Variants in TASP1 observed in about 807,000 individuals in gnomAD.
The protein encoded by TASP1 is threonine aspartase 1.
TASP1 carries 16 observed loss-of-function variants against 56.6 expected under a neutral mutation model. That is an observed-to-expected ratio of 0.28 (90% CI 0.19 to 0.43). TASP1 has a LOEUF of 0.43. TASP1 is among the 20% of genes least tolerant of loss of function. The pLI, the probability that TASP1 is intolerant of heterozygous loss-of-function variation, is 1.00. For missense variants in TASP1, 393 were observed against 511.6 expected, an observed-to-expected ratio of 0.77 and a Z score of 2.24; for synonymous variants, 179 against 184.2, an observed-to-expected ratio of 0.97 and a Z score of 0.23.
chr20:13,492,853 G>T (rs1316258208), intron 10 of TASP1, among the ~76,000 whole-genome samples: 1 of 152,140 alleles, frequency 6.6e-6, no homozygotes, highest in Non-Finnish European at 1.5e-5. Context: ...ACAAAGTAGG[G>T]TGTGATTGAT....
the TASP1 span, among the ~76,000 whole-genome samples, chr20:13,274,059 T>TTGTGTGTGTGTGTG: frequency 6.6e-6 from 1 of 150,824 alleles, no homozygotes; most frequent in African/African-American, 2.4e-5. Flanking sequence ...TGGCGTGTAA[T>TTGTGTGTGTGTGTG]TGTGTGTGTG....
At chr20:13,222,972 G>A in the TASP1 span, among the ~76,000 whole-genome samples, 8 of 152,158 alleles carry the variant, frequency 5.3e-5, no homozygotes, top group African/African-American at 1.9e-4. Context: ...AGACTATCCT[G>A]GCCGACATGG....
At chr20:13,260,869 C>T in the TASP1 span, among the ~76,000 whole-genome samples, 8 of 152,218 alleles carry the variant, frequency 5.3e-5, no homozygotes, top group South Asian at 2.1e-4. Flanking sequence ...GGGTGGCTCT[C>T]ATAGCCTGGG....
chr20:13,427,537 G>A (rs2042659423), intron 12 of TASP1, among the ~76,000 whole-genome samples: 1 of 152,124 alleles, frequency 6.6e-6, no homozygotes, highest in African/African-American at 2.4e-5. Flanking sequence ...TTAAAATCAA[G>A]GAAAACTAAA....
chr20:13,155,193 A>T, the TASP1 span, among the ~76,000 whole-genome samples: 1 of 152,152 alleles, frequency 6.6e-6, no homozygotes, highest in Non-Finnish European at 1.5e-5. Flanking sequence ...GTCAAAAAAA[A>T]AAAGGAAGTT....
chr20:13,558,238 T>A (rs578184568), intron 8 of TASP1, among the ~76,000 whole-genome samples: 2 of 152,324 alleles, frequency 1.3e-5, no homozygotes, highest in Middle Eastern at 3.4e-3. Context: ...CATGACTATG[T>A]GACCTGGGAC....
chr20:13,410,027 C>T (rs1297567320), intron 13 of TASP1, among the ~76,000 whole-genome samples: 2 of 152,184 alleles, frequency 1.3e-5, no homozygotes, highest in East Asian at 3.8e-4. Flanking sequence ...TCTCTATCTC[C>T]ATGAGATCAG....
the TASP1 span, among the ~76,000 whole-genome samples, chr20:13,361,475 T>C: frequency 2.0e-5 from 3 of 152,156 alleles, no homozygotes; most frequent in Admixed American, 6.5e-5. Flanking sequence ...AAAGGTCTTT[T>C]AAAAACACAC....
chr20:13,249,778 GCGTTTTGTTTTGTTT>G, the TASP1 span, among the ~76,000 whole-genome samples: 70 of 143,232 alleles, frequency 4.9e-4, 1 homozygote, highest in African/African-American at 1.7e-3. Context: ...ATTTTTTGTT[GCGTTTTGTTTTGTTT>G]TGTTTTGTTT....
chr20:13,387,299 T>C (rs1237417941), downstream of TASP1, among the ~76,000 whole-genome samples: 1 of 150,776 alleles, frequency 6.6e-6, no homozygotes, highest in Non-Finnish European at 1.5e-5. Flanking sequence ...GTTCAAGTGA[T>C]TCTCTTGCCT....
At chr20:13,225,705 T>C in the TASP1 span, among the ~76,000 whole-genome samples, 4 of 152,276 alleles carry the variant, frequency 2.6e-5, no homozygotes, top group Non-Finnish European at 5.9e-5. Flanking sequence ...AAATATCTAG[T>C]AAGAAATGAG....
the TASP1 span, among the ~76,000 whole-genome samples, chr20:13,258,893 A>G: frequency 1.3e-5 from 2 of 152,240 alleles, no homozygotes; most frequent in African/African-American, 4.8e-5. Context: ...TTGTCAGTGC[A>G]TTAGACCAAC....
At chr20:13,162,718 G>A in the TASP1 span, among the ~76,000 whole-genome samples, 7 of 152,086 alleles carry the variant, frequency 4.6e-5, no homozygotes, top group Admixed American at 1.3e-4. Context: ...TCATTCTCTC[G>A]CCTTTCAGAT....
the TASP1 span, among the ~76,000 whole-genome samples, chr20:13,346,053 C>A: frequency 1.3e-5 from 2 of 151,910 alleles, no homozygotes; most frequent in Non-Finnish European, 2.9e-5. Flanking sequence ...CAAATATTAA[C>A]CTTGGCAATC....
At chr20:13,536,802 G>A (rs532624682) in intron 8 of TASP1, among the ~76,000 whole-genome samples, 1 of 151,886 alleles carries the variant, frequency 6.6e-6, no homozygotes, top group East Asian at 1.9e-4. Context: ...AACCTTTGAG[G>A]GAGGGTTATG....
At chr20:13,400,993 T>G (rs74588785) in intron 13 of TASP1, among the ~76,000 whole-genome samples, 6,213 of 152,236 alleles carry the variant, frequency 0.041, 405 homozygotes, top group African/African-American at 0.14. Flanking sequence ...GTTCAAAATC[T>G]ACAACACGGG....
chr20:13,429,706 A>G (rs936987516), intron 12 of TASP1, among the ~76,000 whole-genome samples: 2 of 152,108 alleles, frequency 1.3e-5, no homozygotes, highest in Non-Finnish European at 2.9e-5. Context: ...CATTGAAGTA[A>G]CAGTAAGAGA....
intron 11 of TASP1, among the ~76,000 whole-genome samples, chr20:13,471,108 T>G (rs908924040): frequency 6.6e-6 from 1 of 152,044 alleles, no homozygotes; most frequent in African/African-American, 2.4e-5. Context: ...TAATAACAAG[T>G]AAATACAGAA....
chr20:13,251,364 G>A, the TASP1 span, among the ~76,000 whole-genome samples: 1 of 152,234 alleles, frequency 6.6e-6, no homozygotes, highest in Non-Finnish European at 1.5e-5. Flanking sequence ...CATGCTGTTT[G>A]TATTTTTCCA....
Sources: allele counts gnomAD v4.1 joint callset (sites outside exome capture counted in the v4.1 genomes callset), GRCh38; gene constraint gnomAD v4.1.1; transcripts MANE v1.5; gene names NCBI Gene and HGNC (gene_info 2026-07-23, HGNC 2026-07-21).